SCAMP3: variants seen among roughly 807,000 people sequenced by gnomAD.
The protein encoded by SCAMP3 is secretory carrier membrane protein 3, also known as secretory carrier-associated membrane protein 3.
Under a neutral mutation model 44.1 loss-of-function variants are expected in SCAMP3, and 30 were observed. That is an observed-to-expected ratio of 0.68 (90% CI 0.51 to 0.92). SCAMP3 has a LOEUF of 0.92. SCAMP3 is among the 40% of genes least tolerant of loss of function. SCAMP3 has a pLI of 0.00. For synonymous variants in SCAMP3, 168 were observed against 171.1 expected, an observed-to-expected ratio of 0.98 and a Z score of 0.14; for missense variants, 394 against 440.0, an observed-to-expected ratio of 0.90 and a Z score of 0.93.
At chr1:155,258,710 G>T (rs1672874445) in intron 5 of SCAMP3, 116 bp downstream of exon 5, 1 of 929,098 alleles carries the variant, frequency 1.1e-6, no homozygotes, top group South Asian at 1.8e-5. Context: ...AAGAACATTT[G>T]CTAGCAGGCT....
In SCAMP3 at chr1:155,262,075, G is replaced by A; in HGVS notation, c.66+11C>T. 1.2e-6 allele frequency: 2 copies of A among 1,613,626 alleles called. No individual in the cohort carries two copies. Among genetic ancestry groups the A allele is most frequent in the Non-Finnish European group, 1.7e-6 (2 of 1,179,584 alleles). ...CTGACCGCCCAAAAGAGGCCGACTGGCGCAAGTCACCTGAAAGGGGTTGTC... is the reference window on the plus strand; with the variant it reads ...CTGACCGCCCAAAAGAGGCCGACTGACGCAAGTCACCTGAAAGGGGTTGTC... On this transcript the variant is annotated intron_variant, in intron 1 of 8. Transcript: ENST00000302631.
chr1:155,261,686 C>A lies in SCAMP3; in HGVS notation c.115G>T (p.Asp39Tyr), dbSNP rs1672968866. ...HRPSRQYATL[D>Y]VYNPFETREP... Reference sequence around the variant, plus strand: ...CGGGTCTCAAAAGGGTTGTAGACGTCAAGCGTGGCATACTGCCGGCTGGGT... The same window carrying A: ...CGGGTCTCAAAAGGGTTGTAGACGTAAAGCGTGGCATACTGCCGGCTGGGT... Residue 39 changes from aspartate (D) to tyrosine (Y), a missense_variant, in exon 2 of 9, where the codon GAC becomes TAC. Asp to Tyr is a radical substitution (Grantham distance 160). Transcript: ENST00000302631. The A allele has an allele frequency of 6.2e-7, 1 of 1,614,124 alleles. No homozygotes were observed. Among genetic ancestry groups the A allele is most frequent in the African/African-American group, 1.3e-5 (1 of 75,050 alleles).
Position 155,260,634 on chromosome 1 carries a change from G to C in SCAMP3, c.170C>G (p.Ala57Gly). The C allele has an allele frequency of 6.2e-7, 1 of 1,613,294 alleles. No individual in the cohort carries two copies. Among genetic ancestry groups the C allele is most frequent in the Non-Finnish European group, 8.5e-7 (1 of 1,179,580 alleles). The part of the protein sequence containing the change: ...REPPPAYEPP[A>G]PAPLPPPSAP... ...TGAGGGTGGAGGCAATGGGGCAGGG[G>C]CTGGAGGCTCATAGGCTGGTGGTGG... The change falls in exon 3 of 9, where the codon GCC becomes GGC. Residue 57 changes from alanine (A) to glycine (G), a missense_variant. Physicochemically the swap from Ala to Gly is moderately conservative, Grantham distance 60. Coordinates refer to ENST00000302631, the MANE Select transcript of SCAMP3 (RefSeq NM_005698.4).
intron 2 of SCAMP3, among the ~76,000 whole-genome samples, chr1:155,260,947 T>A (rs372804197): frequency 1.3e-5 from 2 of 150,442 alleles, no homozygotes; most frequent in African/African-American, 4.9e-5. Context: ...GGGGATGGAG[T>A]GTGGGGTTGT....
In SCAMP3 at chr1:155,256,000, C is replaced by T; in HGVS notation, c.*273G>A. 2 of 388,636 alleles carry T rather than the reference C, an allele frequency of 5.1e-6. 1 individual carries two copies. Among genetic ancestry groups the T allele is most frequent in the Non-Finnish European group, 9.1e-6 (2 of 218,866 alleles). The allele number at this position is 388,636 out of a possible 1,614,324, so 24.1% of individuals were successfully genotyped here. A position where few individuals can be genotyped will look rare whatever the true frequency, so the allele number is the denominator to read the frequency against. ...GGGATGTCAGTTCCAGTTCCACTTT[C>T]TTTTTATTTAAATAACCGAAGCAAC... is the stretch of plus-strand genomic sequence containing the variant. On this transcript the variant is annotated 3_prime_UTR_variant, in exon 9 of 9. Coordinates refer to ENST00000302631, the MANE Select transcript of SCAMP3 (RefSeq NM_005698.4). This position sits in a 1 kb window ranked among gnomAD's most constrained non-coding sequence, Gnocchi z 5.6.
chr1:155,260,332 G>A lies in SCAMP3; in HGVS notation c.386C>T (p.Ala129Val). 1 of 1,611,094 alleles carries A rather than the reference G, an allele frequency of 6.2e-7. No individual in the cohort carries two copies. The highest frequency in any genetic ancestry group is 8.5e-7 in the Non-Finnish European group (1 of 1,179,984). Residue 129 changes from alanine (A) to valine (V), a missense_variant and splice_region_variant, in exon 4 of 9, where the codon GCT becomes GTT. Ala to Val is a moderately conservative substitution (Grantham distance 64). Coordinates refer to ENST00000302631, the MANE Select transcript of SCAMP3 (RefSeq NM_005698.4). The part of the protein sequence containing the change: ...ELQHAALGGT[A>V]TRQNNWPPLP... ...CTCTTCCCCACTCTATTACTTACTAGCTGTGCCCCCCAGGGCAGCATGCTG... is the reference window on the plus strand; with the variant it reads ...CTCTTCCCCACTCTATTACTTACTAACTGTGCCCCCCAGGGCAGCATGCTG...
At chr1:155,261,792 G>A (rs1461967331) in intron 1 of SCAMP3, 58 bp from the exon 2 acceptor site, 7 of 1,538,120 alleles carry the variant, frequency 4.6e-6, no homozygotes, top group Non-Finnish European at 6.3e-6. Flanking sequence ...GGAATTCCCA[G>A]GGACCATTCC....
intron 8 of SCAMP3, 105 bp from the exon 9 acceptor site, chr1:155,256,524 ACT>A: frequency 1.4e-6 from 2 of 1,417,120 alleles, no homozygotes; most frequent in Non-Finnish European, 2.0e-6. Flanking sequence ...CAGCACACAC[ACT>A]CACACACAGA....
At chr1:155,258,381 G>A (rs991876319) in intron 5 of SCAMP3, among the ~76,000 whole-genome samples, 5 of 132,762 alleles carry the variant, frequency 3.8e-5, no homozygotes, top group African/African-American at 1.4e-4. Flanking sequence ...TTGTTGCCCA[G>A]GCTGGAGTGC....
rs574329645 is a variant in SCAMP3 at position 155,261,947 on chromosome 1, G to T, written c.66+139C>A. The stretch of plus-strand genomic sequence containing the variant: ...GGGCCCGCCCCCCAGAGTGCTCACT[G>T]GTCTGGAGTCACTGTCACCCCACGT... On this transcript the variant is annotated intron_variant, in intron 1 of 8. Transcript: ENST00000302631. 2.7e-5 allele frequency: 24 copies of T among 897,126 alleles called. No homozygotes were observed. The East Asian group carries it at 6.3e-4, about 23-fold the overall frequency. 55.6% of individuals were successfully genotyped at this position (897,126 alleles called of 1,614,324 possible).
intron 2 of SCAMP3, 119 bp from the exon 3 acceptor site, chr1:155,260,778 G>A (rs911556441): frequency 3.4e-6 from 3 of 872,048 alleles, no homozygotes; most frequent in Non-Finnish European, 5.2e-6. Context: ...TCCCCCATTT[G>A]TTAGGAAGCT....
intron 8 of SCAMP3, 82 bp downstream of exon 8, chr1:155,256,592 C>A: frequency 7.1e-7 from 1 of 1,400,930 alleles, no homozygotes; most frequent in Non-Finnish European, 1.0e-6. Context: ...TGACCTGTGC[C>A]AGTTGCTCCT....
At position 155,257,520 on chromosome 1, in the gene SCAMP3, G is replaced by A. The variant is rs750725569; in HGVS notation, c.655C>T (p.Arg219Cys). ...FTPCSFVCWY[R>C]PMYKAFRSDS... The stretch of plus-strand genomic sequence containing the variant: ...TACCGGAAAGCCTTATACATGGGGC[G>A]GTACCAGCAGACAAAGGAGCAGGGA... The change falls in exon 6 of 9, where the codon CGC (arginine) becomes TGC (cysteine). Residue 219 changes from arginine (R) to cysteine (C), a missense_variant. Transcript: ENST00000302631. 6.6e-5 allele frequency: 107 copies of A among 1,612,892 alleles called. No homozygotes were observed. Among genetic ancestry groups the A allele is most frequent in the Non-Finnish European group, 8.6e-5 (102 of 1,179,546 alleles).
intron 2 of SCAMP3, chr1:155,261,350 TA>T (rs2148123765): frequency 2.5e-6 from 1 of 394,620 alleles, no homozygotes; most frequent in African/African-American, 2.0e-5. Context: ...ACACCTAACC[TA>T]AACTCCAACC....
In SCAMP3 at chr1:155,258,849, G is replaced by C; in HGVS notation, c.494C>G (p.Ser165Cys). 6.2e-7 allele frequency: 1 copy of C among 1,612,844 alleles called. No homozygotes were observed. Among genetic ancestry groups the C allele is most frequent in the Non-Finnish European group, 8.5e-7 (1 of 1,179,500 alleles). ...ACACATCCAGAGGTAGTACATGGTG[G>C]ATACAGTCTTCTGAAATTCTTGGGG... The part of the protein sequence containing the change: ...EIPQEFQKTV[S>C]TMYYLWMCST... The change falls in exon 5 of 9, where the codon TCC becomes TGC. Residue 165 changes from serine (S) to cysteine (C), a missense_variant. Ser to Cys is a moderately radical substitution (Grantham distance 112). Transcript: ENST00000302631.
At chr1:155,258,736 G>A in intron 5 of SCAMP3, 90 bp downstream of exon 5, 1 of 1,230,266 alleles carries the variant, frequency 8.1e-7, no homozygotes, top group South Asian at 1.5e-5. Flanking sequence ...GTTCTAAATA[G>A]AGGTGAAGTG....
At position 155,262,216 on chromosome 1, in the gene SCAMP3, G is replaced by C; in HGVS notation, c.-65C>G. 6.7e-7 allele frequency: 1 copy of C among 1,485,904 alleles called. No individual in the cohort carries two copies. Among genetic ancestry groups the C allele is most frequent in the Non-Finnish European group, 9.3e-7 (1 of 1,075,380 alleles). The allele number at this position is 1,485,904 out of a possible 1,614,324, so 92.0% of individuals were successfully genotyped here. A position where few individuals can be genotyped will look rare whatever the true frequency, so the allele number is the denominator to read the frequency against. On this transcript the variant is annotated 5_prime_UTR_variant, in exon 1 of 9. Transcript: ENST00000302631. ...CCCCTGCCGCAGCAGTGGCGGTAGC[G>C]GTAGCCCTCAGAGTCCACTTCACTC...
intron 6 of SCAMP3, 46 bp from the exon 7 acceptor site, chr1:155,257,432 T>C (rs1672834588): frequency 6.2e-7 from 1 of 1,607,848 alleles, no homozygotes; most frequent in South Asian, 1.1e-5. Flanking sequence ...GAATTAGAGC[T>C]GAAGGATGGG....
At position 155,257,393 on chromosome 1, in the gene SCAMP3, A is replaced by T. The variant is rs1255160989; in HGVS notation, c.678-7T>A. 6.2e-7 allele frequency: 1 copy of T among 1,612,360 alleles called. No homozygotes were observed. Among genetic ancestry groups the T allele is most frequent in the Non-Finnish European group, 8.5e-7 (1 of 1,178,864 alleles). ...ATTGAATGAACTGTCACTCCTACAA[A>T]GAGGAAAAAAATGGGGAGGGTGGGA... On this transcript the variant is annotated splice_region_variant and splice_polypyrimidine_tract_variant and intron_variant, in intron 6 of 8. Transcript: ENST00000302631.
Sources: allele counts gnomAD v4.1 joint callset (sites outside exome capture counted in the v4.1 genomes callset), GRCh38; gene constraint gnomAD v4.1.1; non-coding constraint Gnocchi (gnomAD v3.1); transcripts MANE v1.5; gene names NCBI Gene and HGNC (gene_info 2026-07-23, HGNC 2026-07-21).